Variants in INTS7 observed in about 807,000 individuals in gnomAD.
INTS7 encodes integrator complex subunit 7, also known as chromosome 1 open reading frame 73.
A neutral mutation model predicts 109.2 loss-of-function variants in INTS7; 46 were observed. The ratio of observed to expected loss-of-function variants is 0.42; its 90% CI spans 0.33 to 0.54. The LOEUF (loss-of-function observed/expected upper bound fraction) is 0.54. INTS7 is among the 20% of genes least tolerant of loss of function. INTS7 has a pLI of 0.07. For synonymous variants in INTS7, 412 were observed against 402.9 expected, an observed-to-expected ratio of 1.02 and a Z score of -0.27; for missense variants, 929 against 1,132.4, an observed-to-expected ratio of 0.82 and a Z score of 2.58.
chr1:212,028,544 G>C (rs1667026648), intron 1 of INTS7, among the ~76,000 whole-genome samples: 1 of 152,106 alleles, frequency 6.6e-6, no homozygotes, highest in Non-Finnish European at 1.5e-5. Flanking sequence ...TGAGTAGAAT[G>C]GAACCTTGGA....
At chr1:211,945,043 T>A (rs973242046) in intron 18 of INTS7, 74 bp from the exon 19 acceptor site, 1 of 1,440,466 alleles carries the variant, frequency 6.9e-7, no homozygotes, top group Non-Finnish European at 9.6e-7. Context: ...TCTGTGCTAA[T>A]CACTGGTTAC....
intron 7 of INTS7, among the ~76,000 whole-genome samples, chr1:211,998,022 T>C (rs1665488324): frequency 6.6e-6 from 1 of 152,190 alleles, no homozygotes; most frequent in African/African-American, 2.4e-5. Flanking sequence ...GGAAAGGCAG[T>C]AGACCTAGAA....
intron 16 of INTS7, among the ~76,000 whole-genome samples, chr1:211,965,568 C>T (rs1663834362): frequency 1.3e-5 from 2 of 152,104 alleles, no homozygotes; most frequent in South Asian, 4.1e-4. Flanking sequence ...CGATGGCAGA[C>T]CAGATAAAGA....
In INTS7 at chr1:211,982,026, A is replaced by G. The variant is rs186942183; in HGVS notation, c.1132+650T>C. On this transcript the variant is annotated intron_variant, in intron 9 of 19. Coordinates refer to ENST00000366994, the MANE Select transcript of INTS7 (RefSeq NM_015434.4). ...CTAGGAACAAGCAGTGCTGAAGGCT[A>G]GGGGGGATAAGAGGAACCACTGAGC... Among the ~76,000 whole-genome samples, 5 of 152,270 alleles carry G rather than the reference A, an allele frequency of 3.3e-5. No homozygotes were observed. The East Asian group carries it at 7.7e-4, about 24-fold the overall frequency.
At chr1:212,021,271 G>A in intron 1 of INTS7, 59 bp from the exon 2 acceptor site, 3 of 1,394,540 alleles carry the variant, frequency 2.2e-6, no homozygotes, top group South Asian at 1.3e-5. Context: ...TGGCTACAAA[G>A]CAAAAATAGC....
chr1:212,006,826 G>C, intron 6 of INTS7, 65 bp from the exon 7 acceptor site: 1 of 1,342,406 alleles, frequency 7.4e-7, no homozygotes, highest in Non-Finnish European at 1.0e-6. Flanking sequence ...GAAATGCAGT[G>C]TAGTTTAGTG....
intron 5 of INTS7, among the ~76,000 whole-genome samples, chr1:212,011,061 A>G (rs1666147536): frequency 1.3e-5 from 2 of 152,110 alleles, no homozygotes; most frequent in South Asian, 2.1e-4. Flanking sequence ...CTCTCAACCC[A>G]CCAACGACTT....
In INTS7 at chr1:211,941,937, T is replaced by A; in HGVS notation, c.2776A>T (p.Ile926Leu). Residue 926 changes from isoleucine to leucine, a missense_variant, in exon 20 of 20, where the codon ATA (isoleucine) becomes TTA (leucine). Coordinates refer to ENST00000366994, the MANE Select transcript of INTS7 (RefSeq NM_015434.4). ...GGGTCTTCCAGGGATTTTACAAATA[T>A]GGTAGTTCTGGGACCAGTCTTCCAT... The part of the protein sequence containing the change: ...IVWKTGPRTT[I>L]FVKSLEDPYS... The A allele has an allele frequency of 6.2e-7, 1 of 1,614,226 alleles. No individual in the cohort carries two copies. Among genetic ancestry groups the A allele is most frequent in the Non-Finnish European group, 8.5e-7 (1 of 1,180,044 alleles).
rs1662837665 is a variant in INTS7, at chr1:211,946,170, T to C, written c.2415+437A>G. Among the ~76,000 whole-genome samples the C allele has an allele frequency of 6.6e-6, 1 of 152,328 alleles. No homozygotes were observed. The highest frequency in any genetic ancestry group is 2.1e-4 in the South Asian group (1 of 4,828). On this transcript the variant is annotated intron_variant, in intron 18 of 19. Coordinates refer to ENST00000366994, the MANE Select transcript of INTS7 (RefSeq NM_015434.4). The surrounding 1 kb of genome is among the most constrained non-coding windows in gnomAD (Gnocchi z 4.3). ...CCACTTGATAAAGGAGAGAAATGGCTTACAACTAGGTTTTATCAAAACCAA... is the reference window on the plus strand; with the variant it reads ...CCACTTGATAAAGGAGAGAAATGGCCTACAACTAGGTTTTATCAAAACCAA...
At chr1:212,005,539 T>A (rs935960725) in intron 7 of INTS7, among the ~76,000 whole-genome samples, 15 of 152,234 alleles carry the variant, frequency 9.9e-5, no homozygotes, top group African/African-American at 3.6e-4. Flanking sequence ...TTTCTGTATG[T>A]ATGATCTATC....
chr1:211,950,957 C>A (rs1663057444), intron 17 of INTS7, among the ~76,000 whole-genome samples: 1 of 152,210 alleles, frequency 6.6e-6, no homozygotes, highest in Non-Finnish European at 1.5e-5. Context: ...TCTTTACACT[C>A]TCCCTTAGCA....
Position 211,968,494 on chromosome 1 carries a change from A to C in INTS7, c.2010+19T>G. ...CCTCTAAAGTGTAAATAAAAAATGC[A>C]CTGAAAGTTAAGACATGCCTGATTG... On this transcript the variant is annotated intron_variant, in intron 14 of 19. Transcript: ENST00000366994. The C allele has an allele frequency of 6.3e-7, 1 of 1,592,550 alleles. No individual in the cohort carries two copies. Among genetic ancestry groups the C allele is most frequent in the Non-Finnish European group, 8.6e-7 (1 of 1,168,272 alleles).
intron 1 of INTS7, among the ~76,000 whole-genome samples, chr1:212,021,948 G>A (rs80120771): frequency 0.011 from 1,687 of 152,098 alleles, 31 homozygotes; most frequent in African/African-American, 0.038. Context: ...ACAATCTATG[G>A]GATGCAACTA....
chr1:212,001,876 T>C (rs1007646588), intron 7 of INTS7, among the ~76,000 whole-genome samples: 1 of 152,180 alleles, frequency 6.6e-6, no homozygotes, highest in Non-Finnish European at 1.5e-5. Context: ...ATTCCCTAAA[T>C]CTTCTCTAGC....
At position 211,984,016 on chromosome 1, in the gene INTS7, A is replaced by G. The variant is rs146333199; in HGVS notation, c.998-1206T>C. 5.1e-3 allele frequency among the ~76,000 whole-genome samples: 773 copies of G among 151,954 alleles called. 19 individuals carry two copies. Among genetic ancestry groups the G allele is most frequent in the East Asian group, 0.046 (240 of 5,168 alleles). ...GTAGCTGAGAATACAGGTGCATGCC[A>G]CCATACCTGGCTAATTTTGTTATTT... On this transcript the variant is annotated intron_variant, in intron 8 of 19. Transcript: ENST00000366994.
At chr1:211,992,723 G>A (rs1207258039) in intron 7 of INTS7, among the ~76,000 whole-genome samples, 1 of 152,000 alleles carries the variant, frequency 6.6e-6, no homozygotes, top group African/African-American at 2.4e-5. Flanking sequence ...TGATTTAAAC[G>A]TTCATTAATC....
intron 17 of INTS7, among the ~76,000 whole-genome samples, chr1:211,951,316 G>A (rs898652707): frequency 6.6e-6 from 1 of 151,056 alleles, no homozygotes; most frequent in Non-Finnish European, 1.5e-5. Flanking sequence ...TGTTTGGTTG[G>A]TTTTTTTTTG....
At chr1:212,024,222 G>GA (rs1478873806) in intron 1 of INTS7, among the ~76,000 whole-genome samples, 2 of 149,642 alleles carry the variant, frequency 1.3e-5, no homozygotes, top group Non-Finnish European at 3.0e-5. Context: ...TTTTAGAAGA[G>GA]TTTTTTTTTT....
At chr1:212,030,118 T>C (rs1257389853) in intron 1 of INTS7, among the ~76,000 whole-genome samples, 3 of 152,110 alleles carry the variant, frequency 2.0e-5, no homozygotes, top group Non-Finnish European at 4.4e-5. Context: ...ACTTTGCAAA[T>C]TCCAAGACAG....
Sources: gnomAD v4.1 joint callset for allele counts (sites outside exome capture counted in the v4.1 genomes callset) on GRCh38, gnomAD v4.1.1 for gene constraint, Gnocchi (gnomAD v3.1) non-coding constraint, MANE v1.5 for transcripts, NCBI Gene and HGNC (gene_info 2026-07-23, HGNC 2026-07-21) for gene names.